ATAD2B: variants seen among roughly 807,000 people sequenced by gnomAD.
ATAD2B encodes the protein ATPase family AAA domain-containing protein 2B.
ATAD2B carries 40 observed loss-of-function variants against 167.6 expected under a neutral mutation model. That is an observed-to-expected ratio of 0.24 (90% confidence interval 0.19 to 0.31). The LOEUF is 0.31. ATAD2B is among the 10% of genes least tolerant of loss of function. The pLI is 1.00. For synonymous variants in ATAD2B, 579 were observed against 596.5 expected, an observed-to-expected ratio of 0.97 and a Z score of 0.43; for missense variants, 1,242 against 1,757.2, an observed-to-expected ratio of 0.71 and a Z score of 5.24.
intron 1 of ATAD2B, 54 bp downstream of exon 1, chr2:23,926,501 C>T: frequency 6.6e-7 from 1 of 1,519,374 alleles, no homozygotes; most frequent in South Asian, 1.2e-5. Context: ...GACAAAGCCC[C>T]GGCAGCAGGG....
chr2:23,709,224 A>C, the ATAD2B span, among the ~76,000 whole-genome samples: 1 of 152,068 alleles, frequency 6.6e-6, no homozygotes, highest in Non-Finnish European at 1.5e-5. Flanking sequence ...TATTTTTAGT[A>C]GAGACGGTGG....
chr2:23,886,917 C>T (rs1308907434), intron 4 of ATAD2B, among the ~76,000 whole-genome samples: 6 of 140,406 alleles, frequency 4.3e-5, no homozygotes, highest in Admixed American at 2.9e-4. Flanking sequence ...GGTGACAGAG[C>T]GAGACTCCAT....
the ATAD2B span, chr2:23,684,347 A>G: frequency 7.6e-7 from 1 of 1,308,240 alleles, no homozygotes; most frequent in Non-Finnish European, 9.9e-7. The surrounding 1 kb of genome is among the most constrained non-coding windows in gnomAD (Gnocchi z 4.4). Flanking sequence ...TAATTAAAAA[A>G]AAAAAAACTC....
chr2:23,680,739 TG>T, the ATAD2B span, among the ~76,000 whole-genome samples: 3 of 147,064 alleles, frequency 2.0e-5, no homozygotes, highest in Admixed American at 1.3e-4. The surrounding 1 kb of genome is among the most constrained non-coding windows in gnomAD (Gnocchi z 4.1). Flanking sequence ...CATCTTCCCC[TG>T]GGGTCTCTAG....
intron 1 of ATAD2B, among the ~76,000 whole-genome samples, chr2:23,900,240 A>ATTATT (rs1305827283): frequency 6.6e-6 from 1 of 150,654 alleles, no homozygotes; most frequent in Non-Finnish European, 1.5e-5. Context: ...TTATATTTTT[A>ATTATT]TTATTTTATT....
At chr2:23,904,591 A>AG (rs1482668413) in intron 1 of ATAD2B, among the ~76,000 whole-genome samples, 4 of 151,152 alleles carry the variant, frequency 2.6e-5, no homozygotes, top group Non-Finnish European at 4.4e-5. Context: ...TATAGAAAAA[A>AG]GGGAACTGTA....
the ATAD2B span, chr2:23,695,726 G>A: frequency 6.4e-7 from 1 of 1,551,608 alleles, no homozygotes; most frequent in Non-Finnish European, 8.7e-7. The surrounding 1 kb of genome is among the most constrained non-coding windows in gnomAD (Gnocchi z 7.6). Context: ...TCAGAAGCCT[G>A]CCGGGACCTG....
chr2:23,908,339 C>G (rs1701788598), intron 1 of ATAD2B, among the ~76,000 whole-genome samples: 1 of 152,172 alleles, frequency 6.6e-6, no homozygotes, highest in African/African-American at 2.4e-5. Flanking sequence ...TATGAACAGA[C>G]ACTTCTCAAA....
chr2:23,843,583 A>T (rs978597238), intron 13 of ATAD2B, among the ~76,000 whole-genome samples: 1 of 152,246 alleles, frequency 6.6e-6, no homozygotes, highest in African/African-American at 2.4e-5. Flanking sequence ...GATTCCAGGG[A>T]GACCAAGACG....
In ATAD2B at chr2:23,887,961, C is replaced by T. The variant is rs182992283; in HGVS notation, c.443G>A (p.Gly148Glu). 1.3e-6 allele frequency: 2 copies of T among 1,599,588 alleles called. No individual in the cohort carries two copies. The highest frequency in any genetic ancestry group is 2.3e-5 in the East Asian group (1 of 43,844). ...GLSLRSHPLR[G>E]EKKGDGDLSC... is the part of the protein sequence containing the mutation. Reference sequence around the variant, plus strand: ...AAGGTCCCCATCTCCCTTCTTTTCCCCTCGAAGGGGATGGCTTCGAAGGGC... The same window carrying T: ...AAGGTCCCCATCTCCCTTCTTTTCCTCTCGAAGGGGATGGCTTCGAAGGGC... Residue 148 changes from glycine (G) to glutamate (E), a missense_variant, in exon 4 of 28, where the codon GGG becomes GAG. By Grantham distance (98) the Gly-to-Glu change is moderately conservative. Coordinates refer to ENST00000238789, the MANE Select transcript of ATAD2B (RefSeq NM_017552.4).
chr2:23,849,565 C>T (rs1172310189), intron 13 of ATAD2B, among the ~76,000 whole-genome samples: 1 of 152,232 alleles, frequency 6.6e-6, no homozygotes, highest in African/African-American at 2.4e-5. Context: ...GACACAGTGG[C>T]TCACGCCTGT....
At chr2:23,718,121 T>C in the ATAD2B span, among the ~76,000 whole-genome samples, 2 of 152,340 alleles carry the variant, frequency 1.3e-5, no homozygotes, top group South Asian at 2.1e-4. Context: ...AAAACAATTA[T>C]TAATGGGCTC....
chr2:23,923,507 T>G (rs960450927), intron 1 of ATAD2B, among the ~76,000 whole-genome samples: 1 of 152,114 alleles, frequency 6.6e-6, no homozygotes, highest in Admixed American at 6.5e-5. Flanking sequence ...ATAATACTAA[T>G]AATACATTCA....
At chr2:23,745,843 CA>C (rs1432407365), downstream of ATAD2B, among the ~76,000 whole-genome samples, 1 of 152,240 alleles carries the variant, frequency 6.6e-6, no homozygotes, top group Non-Finnish European at 1.5e-5. Context: ...CTCCAAAAAG[CA>C]AGGACCTTGC....
Position 23,823,589 on chromosome 2 carries a change from G to A in ATAD2B, c.1820-20C>T, listed in dbSNP as rs746689614. ...AGTAGCCTAATACACAAAAGGAGAAGGATAGCAAAGGTACATTCATTATTC... is the reference window on the plus strand; with the variant it reads ...AGTAGCCTAATACACAAAAGGAGAAAGATAGCAAAGGTACATTCATTATTC... On this transcript the variant is annotated intron_variant, in intron 15 of 27. Transcript: ENST00000238789. The A allele has an allele frequency of 3.8e-6, 6 of 1,596,802 alleles. No individual in the cohort carries two copies. Among genetic ancestry groups the A allele is most frequent in the Non-Finnish European group, 1.7e-6 (2 of 1,169,078 alleles).
At chr2:23,767,449 T>C (rs1572669359) in intron 22 of ATAD2B, among the ~76,000 whole-genome samples, 2 of 152,174 alleles carry the variant, frequency 1.3e-5, no homozygotes, top group East Asian at 3.9e-4. Flanking sequence ...AAAACTTGCC[T>C]TGCTGAGAAT....
the ATAD2B span, among the ~76,000 whole-genome samples, chr2:23,740,977 T>C: frequency 6.6e-6 from 1 of 152,090 alleles, no homozygotes; most frequent in South Asian, 2.1e-4. Flanking sequence ...ATAAAATACC[T>C]AGGAATCCAA....
At chr2:23,796,281 A>G (rs1682605662) in intron 19 of ATAD2B, among the ~76,000 whole-genome samples, 1 of 152,226 alleles carries the variant, frequency 6.6e-6, no homozygotes, top group Non-Finnish European at 1.5e-5. Flanking sequence ...CAATGCTGGC[A>G]AATTTCTAAT....
Position 23,755,784 on chromosome 2 carries a change from T to C in ATAD2B, c.4079-1010A>G, listed in dbSNP as rs76800569. 2.5e-3 allele frequency among the ~76,000 whole-genome samples: 380 copies of C among 152,300 alleles called. 2 individuals are homozygous for C. The highest frequency in any genetic ancestry group is 4.0e-3 in the Non-Finnish European group (274 of 68,028). ...AACCAAAGTATTGCCTTCAAAAACATGTATCATGATATATCAGAGAAATTT... is the reference window on the plus strand; with the variant it reads ...AACCAAAGTATTGCCTTCAAAAACACGTATCATGATATATCAGAGAAATTT... On this transcript the variant is annotated intron_variant, in intron 25 of 27. Coordinates refer to ENST00000238789, the MANE Select transcript of ATAD2B (RefSeq NM_017552.4).
Sources: allele counts gnomAD v4.1 joint callset (sites outside exome capture counted in the v4.1 genomes callset), GRCh38; gene constraint gnomAD v4.1.1; non-coding constraint Gnocchi (gnomAD v3.1); transcripts MANE v1.5; gene names NCBI Gene and HGNC (gene_info 2026-07-23, HGNC 2026-07-21).